The following PRDM16 variants were observed in gnomAD, a reference collection of about 807,000 sequenced individuals.
The protein encoded by PRDM16 is histone-lysine N-methyltransferase PRDM16.
Under a neutral mutation model 110.6 loss-of-function variants are expected in PRDM16, and 23 were observed. The observed-to-expected ratio is 0.21, with a 90% CI of 0.15 to 0.29. PRDM16 has a LOEUF of 0.29. Ranked by LOEUF, PRDM16 falls within the 10% of genes least tolerant of loss-of-function variation. The probability of loss-of-function intolerance (pLI) is 1.00; values close to 1 mark genes in which losing one functional copy is unlikely to be tolerated. For missense variants in PRDM16, 1,615 were observed against 1,794.3 expected (o/e 0.90, Z 1.81); for synonymous variants, 799 against 781.8 (o/e 1.02, Z -0.37).
intron 3 of PRDM16, among the ~76,000 whole-genome samples, chr1:3,377,879 C>T (rs938757196): frequency 6.6e-6 from 1 of 152,202 alleles, no homozygotes; most frequent in African/African-American, 2.4e-5. Context: ...TCTGTTCGTT[C>T]GTCTACCCAC....
Position 3,190,243 on chromosome 1 carries a change from C to A in PRDM16, c.387+3769C>A, listed in dbSNP as rs372918259. Among the ~76,000 whole-genome samples the A allele has an allele frequency of 7.9e-5, 12 of 151,298 alleles. No individual in the cohort carries two copies. The East Asian group carries it at 1.4e-3, about 17-fold the overall frequency. On this transcript the variant is annotated intron_variant, in intron 2 of 16. Coordinates refer to ENST00000270722, the MANE Select transcript of PRDM16 (RefSeq NM_022114.4). The surrounding 1 kb of genome is among the most constrained non-coding windows in gnomAD (Gnocchi z 5.0). ...GCAGCCTTACTTCAAGGTCGTGGGG[C>A]AGCCTTACTTCAAGGTCGTGGGGCA...
At chr1:3,426,264 G>A (rs369474365) in intron 14 of PRDM16, 39 bp downstream of exon 14, 281 of 1,586,430 alleles carry the variant, frequency 1.8e-4, no homozygotes, top group Non-Finnish European at 2.1e-4. Flanking sequence ...GTCTGGACCC[G>A]GCCAACAGCC....
intron 1 of PRDM16, among the ~76,000 whole-genome samples, chr1:3,125,221 C>T (rs540048936): frequency 1.3e-5 from 2 of 152,380 alleles, no homozygotes; most frequent in East Asian, 1.9e-4. Context: ...GCGCGCTTCC[C>T]GCATCCGTGA....
intron 1 of PRDM16, among the ~76,000 whole-genome samples, chr1:3,079,676 T>C (rs1641976856): frequency 6.6e-6 from 1 of 152,232 alleles, no homozygotes; most frequent in Admixed American, 6.5e-5. Flanking sequence ...GGTGTTTTCT[T>C]GGCCAGAGCT....
intron 3 of PRDM16, among the ~76,000 whole-genome samples, chr1:3,374,640 A>G (rs1436883880): frequency 6.6e-6 from 1 of 152,090 alleles, no homozygotes; most frequent in Non-Finnish European, 1.5e-5. Context: ...GACCCTCCGG[A>G]AGGGGGAGGG....
intron 8 of PRDM16, among the ~76,000 whole-genome samples, chr1:3,409,438 G>T (rs764671025): frequency 4.6e-5 from 7 of 152,154 alleles, no homozygotes; most frequent in Non-Finnish European, 8.8e-5. Context: ...GCCCCGCCAG[G>T]CTGGACGAGC....
intron 3 of PRDM16, chr1:3,306,614 A>C (rs934947009): frequency 4.6e-5 from 7 of 152,244 alleles, no homozygotes; most frequent in African/African-American, 2.4e-5. Context: ...GTATTCCAGA[A>C]AAATAGAAAC....
At chr1:3,392,774 C>A (rs1475260252) in intron 4 of PRDM16, among the ~76,000 whole-genome samples, 2 of 152,156 alleles carry the variant, frequency 1.3e-5, no homozygotes, top group African/African-American at 4.8e-5. Context: ...ATGAACGTGG[C>A]CTGGGCTGAC....
chr1:3,174,334 C>A (rs2100765682), intron 1 of PRDM16, among the ~76,000 whole-genome samples: 1 of 152,302 alleles, frequency 6.6e-6, no homozygotes, highest in African/African-American at 2.4e-5. Context: ...GACCTTATTT[C>A]CGAATCAGGT....
At chr1:3,310,974 TGTGTGTGC>T (rs1219155940) in intron 3 of PRDM16, among the ~76,000 whole-genome samples, 3 of 151,828 alleles carry the variant, frequency 2.0e-5, no homozygotes, top group Admixed American at 6.6e-5. Context: ...TGTGTAGGCA[TGTGTGTGC>T]GTGTGTGCGT....
At chr1:3,181,205 CGGTCTT>C (rs1557508309) in intron 1 of PRDM16, among the ~76,000 whole-genome samples, 2 of 134,092 alleles carry the variant, frequency 1.5e-5, no homozygotes, top group African/African-American at 5.9e-5. Flanking sequence ...GTCTTACACA[CGGTCTT>C]ACACACGCAG....
At position 3,275,645 on chromosome 1, in the gene PRDM16, C is replaced by T. The variant is rs569490698; in HGVS notation, c.438+31508C>T. Among the ~76,000 whole-genome samples the T allele has an allele frequency of 9.5e-4, 144 of 152,338 alleles. 1 individual carries two copies. The highest frequency in any genetic ancestry group is 3.4e-3 in the African/African-American group (141 of 41,584). On this transcript the variant is annotated intron_variant, in intron 3 of 16. Transcript: ENST00000270722. ...ACGCCAGAGCCGGTCCTGCCCAGTG[C>T]TCCAGTTCCCTCAAGAACTCCATCC...
chr1:3,232,191 C>T (rs1411836268), intron 2 of PRDM16, among the ~76,000 whole-genome samples: 5 of 151,792 alleles, frequency 3.3e-5, no homozygotes, highest in South Asian at 4.1e-4. Flanking sequence ...CCCTTCCCGC[C>T]GATCCATCTC....
Position 3,417,819 on chromosome 1 carries a change from T to C in PRDM16, c.2692-9T>C. On this transcript the variant is annotated splice_polypyrimidine_tract_variant and intron_variant, in intron 10 of 16. Coordinates refer to ENST00000270722, the MANE Select transcript of PRDM16 (RefSeq NM_022114.4). ...CTGAGTCCATAACCTCCCACTCTTA[T>C]GCCTACAGATGTCAGCCATAGAGAC... 6.2e-7 allele frequency: 1 copy of C among 1,613,468 alleles called. No homozygotes were observed. Among genetic ancestry groups the C allele is most frequent in the Middle Eastern group, 1.7e-4 (1 of 6,056 alleles).
intron 14 of PRDM16, 139 bp downstream of exon 14, chr1:3,426,364 AGGGT>A (rs1423433548): frequency 9.7e-6 from 6 of 616,456 alleles, no homozygotes; most frequent in Non-Finnish European, 1.6e-5. Context: ...CTCACCACAG[AGGGT>A]GAGGCCCCTG....
In PRDM16 at chr1:3,180,997, A is replaced by C. The variant is rs1268191561; in HGVS notation, c.38-5128A>C. Among the ~76,000 whole-genome samples, 48 of 114,812 alleles carry C rather than the reference A, an allele frequency of 4.2e-4. 1 individual carries two copies. Among genetic ancestry groups the C allele is most frequent in the Non-Finnish European group, 7.5e-4 (41 of 54,332 alleles). 75.3% of individuals were successfully genotyped at this position (114,812 alleles called of 152,430 possible). ...TCTTACACACGCAGTCTTACACACGATCTTACACGCGGTCTTACAAATGCG... is the reference window on the plus strand; with the variant it reads ...TCTTACACACGCAGTCTTACACACGCTCTTACACGCGGTCTTACAAATGCG... On this transcript the variant is annotated intron_variant, in intron 1 of 16. Transcript: ENST00000270722.
chr1:3,401,422 A>G (rs1384319898), intron 5 of PRDM16, among the ~76,000 whole-genome samples: 1 of 152,220 alleles, frequency 6.6e-6, no homozygotes, highest in Non-Finnish European at 1.5e-5. Context: ...GTGCACGTGC[A>G]TACACACCCA....
Position 3,245,248 on chromosome 1 carries a change from T to C in PRDM16, c.438+1111T>C, listed in dbSNP as rs756369541. On this transcript the variant is annotated intron_variant, in intron 3 of 16. Transcript: ENST00000270722. This position sits in a 1 kb window ranked among gnomAD's most constrained non-coding sequence, Gnocchi z 4.7. ...GAAGCTGAGCTGAGTGTTCAAGTCATCAATACTCCATTTTTCCCCCAAAGT... is the reference window on the plus strand; with the variant it reads ...GAAGCTGAGCTGAGTGTTCAAGTCACCAATACTCCATTTTTCCCCCAAAGT... 2.0e-4 allele frequency among the ~76,000 whole-genome samples: 31 copies of C among 152,088 alleles called. No individual in the cohort carries two copies. The highest frequency in any genetic ancestry group is 4.0e-4 in the Non-Finnish European group (27 of 68,016).
chr1:3,210,740 TTCAC>T (rs1638864555), intron 2 of PRDM16, among the ~76,000 whole-genome samples: 1 of 152,262 alleles, frequency 6.6e-6, no homozygotes, highest in Non-Finnish European at 1.5e-5. Flanking sequence ...CACTTGTTCA[TTCAC>T]TTATGAGATG....
Sources: gnomAD v4.1 joint callset for allele counts (sites outside exome capture counted in the v4.1 genomes callset) on GRCh38, gnomAD v4.1.1 for gene constraint, Gnocchi (gnomAD v3.1) non-coding constraint, MANE v1.5 for transcripts, NCBI Gene and HGNC (gene_info 2026-07-23, HGNC 2026-07-21) for gene names.